The following H2BC12 variants were observed in gnomAD, a reference collection of about 807,000 sequenced individuals.
H2BC12 encodes the protein H2B clustered histone 12, also known as histone H2B type 1-K.
A neutral mutation model predicts 6.3 loss-of-function variants in H2BC12; 6 were observed. The observed-to-expected ratio is 0.95, with a 90% CI of 0.52 to 1.87. The LOEUF is 1.87. Among genes scored for constraint, H2BC12 ranks in the 40% most tolerant of loss-of-function variants. H2BC12 has a pLI of 0.01. For missense variants in H2BC12, 119 were observed against 178.4 expected (o/e 0.67, Z 1.90); for synonymous variants, 132 against 78.5 (o/e 1.68, Z -3.60).
chr6:27,140,280 T>C, the H2BC12 span, among the ~76,000 whole-genome samples: 1 of 152,210 alleles, frequency 6.6e-6, no homozygotes, highest in Non-Finnish European at 1.5e-5. Context: ...AGCACAGCCC[T>C]CCCTTTTTCC....
chr6:27,142,636 C>CTTTTTTTTTTTT (rs759784250), downstream of H2BC12, among the ~76,000 whole-genome samples: 2 of 100,292 alleles, frequency 2.0e-5, no homozygotes, highest in Non-Finnish European at 3.7e-5. Flanking sequence ...TCCCCCCCTC[C>CTTTTTTTTTTTT]TTTTTTTTTT....
chr6:27,139,410 C>T, the H2BC12 span: 5 of 1,614,116 alleles, frequency 3.1e-6, no homozygotes, highest in African/African-American at 1.3e-5. Flanking sequence ...CCAAGCCAGC[C>T]ATTCGGCGCC....
At chr6:27,145,293 A>AAC (rs573829681), downstream of H2BC12, among the ~76,000 whole-genome samples, 1 of 91,436 alleles carries the variant, frequency 1.1e-5, no homozygotes, top group Non-Finnish European at 2.2e-5. Flanking sequence ...AAATATGTTA[A>AAC]ATACACACAC....
downstream of H2BC12, among the ~76,000 whole-genome samples, chr6:27,141,419 T>A (rs149799268): frequency 1.3e-5 from 2 of 152,214 alleles, no homozygotes; most frequent in East Asian, 3.9e-4. Flanking sequence ...TTCACAAATG[T>A]TAGATTTTAT....
At chr6:27,146,165 A>C (rs1263473693), downstream of H2BC12, among the ~76,000 whole-genome samples, 1 of 152,222 alleles carries the variant, frequency 6.6e-6, no homozygotes. Flanking sequence ...AGTTTCCTGC[A>C]CATCCCTAAT....
the H2BC12 span, chr6:27,139,271 T>C: frequency 2.6e-6 from 4 of 1,544,030 alleles, no homozygotes; most frequent in Non-Finnish European, 3.5e-6. Context: ...AAAGCTGCCA[T>C]CACAGGCAGC....
At chr6:27,139,182 C>A in the H2BC12 span, 1 of 1,008,260 alleles carries the variant, frequency 9.9e-7, no homozygotes, top group Non-Finnish European at 1.4e-6. Context: ...CCTTTTAGGT[C>A]CCCTCCCCCA....
At chr6:27,146,320 TG>T (rs1653503970), downstream of H2BC12, 1 of 1,567,766 alleles carries the variant, frequency 6.4e-7, no homozygotes, top group Non-Finnish European at 8.6e-7. Context: ...AATTTAAGCC[TG>T]GATTAGGAAC....
the H2BC12 span, among the ~76,000 whole-genome samples, chr6:27,138,343 AAT>A: frequency 6.6e-6 from 1 of 152,202 alleles, no homozygotes; most frequent in African/African-American, 2.4e-5. Flanking sequence ...AGGACCACAG[AAT>A]ATTACCCCAA....
At chr6:27,138,652 A>G in the H2BC12 span, 1 of 152,228 alleles carries the variant, frequency 6.6e-6, no homozygotes, top group Non-Finnish European at 1.5e-5. Context: ...TTTCTTGGTC[A>G]TATCAGGAAA....
chr6:27,144,189 T>C (rs1248940654), downstream of H2BC12, among the ~76,000 whole-genome samples: 1 of 152,038 alleles, frequency 6.6e-6, no homozygotes, highest in East Asian at 1.9e-4. Context: ...CAGCCGGGCG[T>C]GGTGGCTCAC....
chr6:27,139,756 A>G, the H2BC12 span: 5 of 1,362,150 alleles, frequency 3.7e-6, no homozygotes, highest in African/African-American at 7.4e-5. Context: ...ATCCTATTTT[A>G]CAAGATTAAC....
At chr6:27,146,350 T>A (rs1345149666), downstream of H2BC12, 1 of 1,607,318 alleles carries the variant, frequency 6.2e-7, no homozygotes, top group Admixed American at 1.7e-5. Flanking sequence ...ACAGCTCTAA[T>A]ATCGATAATT....
At chr6:27,145,188 T>G (rs1562027707), downstream of H2BC12, among the ~76,000 whole-genome samples, 1 of 152,174 alleles carries the variant, frequency 6.6e-6, no homozygotes, top group South Asian at 2.1e-4. Context: ...AGTGAACATA[T>G]GCTTTGCATG....
In H2BC12 at chr6:27,146,364, G is replaced by C; in HGVS notation, c.*54C>G. 2 of 1,608,820 alleles carry C rather than the reference G, an allele frequency of 1.2e-6. No individual in the cohort carries two copies. The highest frequency in any genetic ancestry group is 8.5e-7 in the Non-Finnish European group (1 of 1,177,862). On this transcript the variant is annotated 3_prime_UTR_variant, in exon 1 of 1. Transcript: ENST00000356950. ...TACAGCTCTAATATCGATAATTTAA[G>C]TGGCTCTTAAAAGAGCCTTTGGGGT...
At chr6:27,145,295 TAC>T (rs57882884), downstream of H2BC12, among the ~76,000 whole-genome samples, 16,063 of 142,494 alleles carry the variant, frequency 0.11, 955 homozygotes, top group East Asian at 0.22. Flanking sequence ...ATATGTTAAA[TAC>T]ACACACACAC....
chr6:27,139,137 G>A, the H2BC12 span: 113 of 632,456 alleles, frequency 1.8e-4, no homozygotes, highest in Non-Finnish European at 2.5e-4. Flanking sequence ...GACTGAAGGA[G>A]AACAAGAGGG....
the H2BC12 span, chr6:27,139,685 A>G: frequency 6.6e-7 from 1 of 1,523,290 alleles, no homozygotes; most frequent in Non-Finnish European, 8.8e-7. Flanking sequence ...GCTTTCAACA[A>G]AAGAGTTGAA....
chr6:27,140,934 G>A, the H2BC12 span, among the ~76,000 whole-genome samples: 1 of 150,948 alleles, frequency 6.6e-6, no homozygotes, highest in African/African-American at 2.4e-5. Context: ...ATCTTTGGAT[G>A]TGCAAAATTT....
Sources: allele counts gnomAD v4.1 joint callset (sites outside exome capture counted in the v4.1 genomes callset), GRCh38; gene constraint gnomAD v4.1.1; transcripts MANE v1.5; gene names NCBI Gene and HGNC (gene_info 2026-07-23, HGNC 2026-07-21).